The following SEC14L6 variants were observed in gnomAD, a reference collection of about 807,000 sequenced individuals.
SEC14L6 encodes the protein SEC14 like lipid binding 6, also known as SEC14-like protein 6.
In SEC14L6, 40 loss-of-function variants were observed where a neutral mutation model predicts 54.1. The observed-to-expected ratio is 0.74, with a 90% CI of 0.57 to 0.96. The LOEUF is 0.96. Ranked by LOEUF, SEC14L6 falls within the 40% of genes least tolerant of loss-of-function variation. The pLI, the probability that SEC14L6 is intolerant of heterozygous loss-of-function variation, is 0.00. For synonymous variants in SEC14L6, 171 were observed against 198.4 expected (o/e 0.86, Z 1.16); for missense variants, 471 against 498.3 (o/e 0.95, Z 0.52).
rs1314106660 is a variant in SEC14L6 at position 30,546,691 on chromosome 22, T to C, written c.-9A>G. 23 of 1,550,296 alleles carry C rather than the reference T, an allele frequency of 1.5e-5. No homozygotes were observed. The highest frequency in any genetic ancestry group is 4.9e-5 in the East Asian group (2 of 40,922). ...CCCACTTGTCCACTCATGCTGCCCA[T>C]GAATGGGTCCAGGCTCCACTCTGTG... On this transcript the variant is annotated 5_prime_UTR_variant, in exon 1 of 12. The change abolishes an upstream ATG in the 5' untranslated region. Transcript: ENST00000402034.
chr22:30,526,558 A>G (rs1253809381), intron 8 of SEC14L6, among the ~76,000 whole-genome samples: 1 of 152,040 alleles, frequency 6.6e-6, no homozygotes, highest in African/African-American at 2.4e-5. Context: ...AAAGCCCCCT[A>G]ATTTGGCATA....
chr22:30,540,129 G>T (rs915330768), intron 1 of SEC14L6, among the ~76,000 whole-genome samples: 5 of 152,166 alleles, frequency 3.3e-5, no homozygotes, highest in African/African-American at 1.2e-4. Flanking sequence ...TTTGTCTAAA[G>T]GAATATGAAA....
intron 2 of SEC14L6, among the ~76,000 whole-genome samples, chr22:30,537,072 G>C (rs529288168): frequency 6.8e-6 from 1 of 147,838 alleles, no homozygotes; most frequent in South Asian, 2.2e-4. Flanking sequence ...GCTGTACCCA[G>C]TGCCTGGTAC....
Position 30,531,889 on chromosome 22 carries a change from C to A in SEC14L6, c.519+14G>T, listed in dbSNP as rs903665645. 3.2e-6 allele frequency: 5 copies of A among 1,543,410 alleles called. No homozygotes were observed. Among genetic ancestry groups the A allele is most frequent in the Non-Finnish European group, 3.5e-6 (4 of 1,140,758 alleles). On this transcript the variant is annotated intron_variant, in intron 6 of 11. Transcript: ENST00000402034. ...TTTGACCACCCACCCATGCCCCTGG[C>A]GGGGTCACCTCACCTCCTGGAGAAG... is the stretch of plus-strand genomic sequence containing the variant.
rs946991017 is a variant in SEC14L6 at position 30,546,708 on chromosome 22, C to T, written c.-26G>A. 1.9e-6 allele frequency: 3 copies of T among 1,547,224 alleles called. No individual in the cohort carries two copies. Among genetic ancestry groups the T allele is most frequent in the Non-Finnish European group, 2.6e-6 (3 of 1,144,556 alleles). ...GCTGCCCATGAATGGGTCCAGGCTCCACTCTGTGGCTCCCTCCAGGTGGCC... is the reference window on the plus strand; with the variant it reads ...GCTGCCCATGAATGGGTCCAGGCTCTACTCTGTGGCTCCCTCCAGGTGGCC... On this transcript the variant is annotated 5_prime_UTR_variant, in exon 1 of 12. Coordinates refer to ENST00000402034, the MANE Select transcript of SEC14L6 (RefSeq NM_001193336.4).
intron 2 of SEC14L6, 83 bp from the exon 3 acceptor site, chr22:30,534,122 C>G: frequency 2.2e-6 from 3 of 1,348,148 alleles, no homozygotes; most frequent in Non-Finnish European, 3.1e-6. Flanking sequence ...CTGCCCCACC[C>G]TCCAGGCCAG....
rs757458929 is a variant in SEC14L6 at position 30,532,876 on chromosome 22, G to A, written c.175-20C>T. 182 of 1,611,168 alleles carry A rather than the reference G, an allele frequency of 1.1e-4. No homozygotes were observed. The highest frequency in any genetic ancestry group is 1.2e-4 in the Non-Finnish European group (142 of 1,178,838). ...CATATGCTGCAGAGACACGGCAGGA[G>A]GTGGTGAAGATTCTGCCTGTCCCAA... On this transcript the variant is annotated intron_variant, in intron 3 of 11. Coordinates refer to ENST00000402034, the MANE Select transcript of SEC14L6 (RefSeq NM_001193336.4).
chr22:30,542,387 G>C (rs2085734802), intron 1 of SEC14L6: 1 of 409,336 alleles, frequency 2.4e-6, no homozygotes, highest in African/African-American at 2.1e-5. Context: ...CGCGGCCGGA[G>C]TCCGGAGGCG....
rs545195985 is a variant in SEC14L6, at chr22:30,525,941, G to T, written c.665-9C>A. The stretch of plus-strand genomic sequence containing the variant: ...CTCCTGCTTCCAGTTGTCTGCATGG[G>T]AGCAAGAGAGGGACTCCAAAGGGAC... On this transcript the variant is annotated splice_polypyrimidine_tract_variant and intron_variant, in intron 8 of 11. Transcript: ENST00000402034. 1.9e-6 allele frequency: 3 copies of T among 1,588,616 alleles called. No individual in the cohort carries two copies. Among genetic ancestry groups the T allele is most frequent in the South Asian group, 2.3e-5 (2 of 87,766 alleles).
chr22:30,543,736 GCT>G, intron 1 of SEC14L6: 1 of 1,587,650 alleles, frequency 6.3e-7, no homozygotes. Context: ...ACTGATGGAG[GCT>G]CTCTACCTCG....
intron 2 of SEC14L6, among the ~76,000 whole-genome samples, chr22:30,534,988 G>A (rs914501545): frequency 6.6e-6 from 1 of 150,634 alleles, no homozygotes; most frequent in African/African-American, 2.4e-5. Flanking sequence ...TGAGCCTAGG[G>A]GTTCGAGACC....
At chr22:30,545,398 A>AT (rs963655367) in intron 1 of SEC14L6, among the ~76,000 whole-genome samples, 3,711 of 144,770 alleles carry the variant, frequency 0.026, 89 homozygotes, top group African/African-American at 0.065. Flanking sequence ...CAAAACACTC[A>AT]TTTTTTTTTT....
Position 30,532,661 on chromosome 22 carries a change from C to A in SEC14L6, c.287G>T (p.Ser96Ile). Residue 96 changes from serine (S) to isoleucine (I), a missense_variant, in exon 5 of 12, where the codon AGC (serine) becomes ATC (isoleucine). Physicochemically the swap from Ser to Ile is moderately radical, Grantham distance 142 (BLOSUM62 -2). Coordinates refer to ENST00000402034, the MANE Select transcript of SEC14L6 (RefSeq NM_001193336.4). ...NGICGHDGEG[S>I]PVWYHIVGSL... Reference sequence around the variant, plus strand: ...TCCCACAATGTGGTACCAGACAGGGCTGCCCTCACCGTCGTGGCCGCATAT... The same window carrying A: ...TCCCACAATGTGGTACCAGACAGGGATGCCCTCACCGTCGTGGCCGCATAT... 1 of 1,551,162 alleles carries A rather than the reference C, an allele frequency of 6.4e-7. No individual in the cohort carries two copies. Among genetic ancestry groups the A allele is most frequent in the Non-Finnish European group, 8.7e-7 (1 of 1,147,222 alleles).
chr22:30,546,188 G>A (rs1218542416), intron 1 of SEC14L6, among the ~76,000 whole-genome samples: 1 of 151,992 alleles, frequency 6.6e-6, no homozygotes, highest in East Asian at 2.0e-4. Flanking sequence ...TTCCAGACCA[G>A]CCTGACCAAC....
chr22:30,530,310 T>C (rs951607802), intron 6 of SEC14L6, among the ~76,000 whole-genome samples: 26 of 152,230 alleles, frequency 1.7e-4, no homozygotes, highest in Non-Finnish European at 3.5e-4. Context: ...CTTGGGAGGC[T>C]GAGGCAGGAG....
chr22:30,525,039 C>G lies in SEC14L6; in HGVS notation c.1152G>C (p.Leu384=). The G allele has an allele frequency of 1.3e-6, 2 of 1,549,500 alleles. No individual in the cohort carries two copies. The highest frequency in any genetic ancestry group is 1.7e-6 in the Non-Finnish European group (2 of 1,145,996). ...TCTCCATGAAGGTTTGGTCTGGGAGCAGTACCTCCACGGTGTAGCTGATGC... is the reference window on the plus strand; with the variant it reads ...TCTCCATGAAGGTTTGGTCTGGGAGGAGTACCTCCACGGTGTAGCTGATGC... ...SKRISYTVEV[L]LPDQTFMEKM... is the part of the protein sequence containing the mutation. The change falls in exon 12 of 12, where the codon CTG becomes CTC. Residue 384 remains leucine (L), a synonymous_variant. Transcript: ENST00000402034.
rs1260080649 is a variant in SEC14L6, at chr22:30,525,757, G to A, written c.772-7C>T. On this transcript the variant is annotated splice_polypyrimidine_tract_variant and splice_region_variant and intron_variant, in intron 9 of 11. Coordinates refer to ENST00000402034, the MANE Select transcript of SEC14L6 (RefSeq NM_001193336.4). Reference sequence around the variant, plus strand: ...CCTCACCCCCGTAGTTGATCTGTGGGTGAAGGGGGTGTGTGGGCACTAGGT... The same window carrying A: ...CCTCACCCCCGTAGTTGATCTGTGGATGAAGGGGGTGTGTGGGCACTAGGT... 1 of 1,613,888 alleles carries A rather than the reference G, an allele frequency of 6.2e-7. No homozygotes were observed. The highest frequency in any genetic ancestry group is 8.5e-7 in the Non-Finnish European group (1 of 1,179,850).
chr22:30,543,867 C>T lies in SEC14L6; in HGVS notation c.54+2762G>A, dbSNP rs2085768118. On this transcript the variant is annotated intron_variant, in intron 1 of 11. Transcript: ENST00000402034. ...ATGATATCACATATGCGGACCTGAA[C>T]CTGCCCAAGGGGAAGAAGCCTGCTC... is the stretch of plus-strand genomic sequence containing the variant. 2.6e-6 allele frequency: 4 copies of T among 1,548,288 alleles called. No individual in the cohort carries two copies. In the Admixed American group the frequency reaches 6.7e-5, roughly 26 times the overall value.
rs558074723 is a variant in SEC14L6 at position 30,542,763 on chromosome 22, G to A, written c.55-3861C>T. ...CTGTGACCTCCCTGAACCCTGTGGG[G>A]CCCATCCAACGGTTCAGAGGAGCTG... is the stretch of plus-strand genomic sequence containing the variant. On this transcript the variant is annotated intron_variant, in intron 1 of 11. Coordinates refer to ENST00000402034, the MANE Select transcript of SEC14L6 (RefSeq NM_001193336.4). The A allele has an allele frequency of 7.9e-4, 1,259 of 1,588,872 alleles. 8 individuals carry two copies. The highest frequency in any genetic ancestry group is 1.2e-4 in the Non-Finnish European group (135 of 1,158,304).
Sources: gnomAD v4.1 joint callset for allele counts (sites outside exome capture counted in the v4.1 genomes callset) on GRCh38, gnomAD v4.1.1 for gene constraint, MANE v1.5 for transcripts, NCBI Gene and HGNC (gene_info 2026-07-23, HGNC 2026-07-21) for gene names.